Variants in IDE observed in about 807,000 individuals in gnomAD.
IDE encodes the protein insulin degrading enzyme.
Under a neutral mutation model 133.2 loss-of-function variants are expected in IDE, and 58 were observed. The ratio of observed to expected loss-of-function variants is 0.44; its 90% CI spans 0.35 to 0.54. The LOEUF (loss-of-function observed/expected upper bound fraction) is 0.54, where lower values mean the gene tolerates loss of function less well. IDE is among the 20% of genes least tolerant of loss of function. The probability of loss-of-function intolerance (pLI) is 0.00; values close to 1 mark genes in which losing one functional copy is unlikely to be tolerated. For synonymous variants in IDE, 396 were observed against 421.3 expected (o/e 0.94, Z 0.73); for missense variants, 981 against 1,234.0 (o/e 0.79, Z 3.07).
At chr10:92,495,145 C>T (rs1847607412) in intron 11 of IDE, among the ~76,000 whole-genome samples, 1 of 150,562 alleles carries the variant, frequency 6.6e-6, no homozygotes, top group South Asian at 2.1e-4. Context: ...CTCCCTGGAA[C>T]CTCCACCTCC....
chr10:92,509,978 G>T, intron 6 of IDE, 72 bp downstream of exon 6: 2 of 644,328 alleles, frequency 3.1e-6, no homozygotes, highest in Non-Finnish European at 5.3e-6. Flanking sequence ...ATTTTCACCT[G>T]TTCTATGGTA....
At chr10:92,549,823 A>G (rs1164785665) in intron 1 of IDE, among the ~76,000 whole-genome samples, 2 of 152,154 alleles carry the variant, frequency 1.3e-5, no homozygotes, top group Non-Finnish European at 2.9e-5. Flanking sequence ...TTGGAACCAC[A>G]TAGGTATAAA....
At chr10:92,494,925 G>A (rs1312375441) in intron 11 of IDE, among the ~76,000 whole-genome samples, 3 of 152,202 alleles carry the variant, frequency 2.0e-5, no homozygotes. Context: ...TTAGTGGAAA[G>A]GGCACAGACC....
At chr10:92,530,465 C>T (rs1369895204) in intron 4 of IDE, among the ~76,000 whole-genome samples, 1 of 151,370 alleles carries the variant, frequency 6.6e-6, no homozygotes, top group Non-Finnish European at 1.5e-5. Flanking sequence ...ATTTTATTTT[C>T]TTGTAAAGAT....
At chr10:92,489,913 A>G (rs984269257) in intron 12 of IDE, among the ~76,000 whole-genome samples, 37 of 152,378 alleles carry the variant, frequency 2.4e-4, no homozygotes, top group African/African-American at 7.9e-4. Context: ...AATGAGAACC[A>G]AAAGAGAAAG....
chr10:92,511,984 A>G (rs1341117670), intron 5 of IDE, among the ~76,000 whole-genome samples: 1 of 152,164 alleles, frequency 6.6e-6, no homozygotes, highest in African/African-American at 2.4e-5. Context: ...TCACAGTGTC[A>G]CTTTTTAAAG....
chr10:92,522,839 A>C (rs1444199095), intron 4 of IDE, among the ~76,000 whole-genome samples: 1 of 152,150 alleles, frequency 6.6e-6, no homozygotes, highest in Admixed American at 6.6e-5. Context: ...AATCCACGTA[A>C]AGTGCTTAGC....
chr10:92,541,107 G>C (rs1418961694), intron 1 of IDE, among the ~76,000 whole-genome samples: 1 of 152,080 alleles, frequency 6.6e-6, no homozygotes, highest in Non-Finnish European at 1.5e-5. Context: ...AAAGGATCAA[G>C]AAAAGCTAAA....
chr10:92,468,246 G>A (rs1057416703), intron 19 of IDE, among the ~76,000 whole-genome samples: 6 of 152,054 alleles, frequency 3.9e-5, no homozygotes, highest in African/African-American at 1.4e-4. Flanking sequence ...TCATGCATAG[G>A]GAACAACCAA....
intron 9 of IDE, 35 bp from the exon 10 acceptor site, chr10:92,506,557 A>G: frequency 1.0e-6 from 1 of 975,764 alleles, no homozygotes; most frequent in Non-Finnish European, 1.5e-6. Context: ...AGATACGGCC[A>G]CCCTTATTTA....
At chr10:92,516,450 T>A (rs932943122) in intron 4 of IDE, among the ~76,000 whole-genome samples, 2 of 152,148 alleles carry the variant, frequency 1.3e-5, no homozygotes, top group South Asian at 2.1e-4. Context: ...GCCAAGATTG[T>A]ACCACTGCAC....
intron 1 of IDE, among the ~76,000 whole-genome samples, chr10:92,539,045 T>G (rs1842163564): frequency 6.6e-6 from 1 of 151,146 alleles, no homozygotes; most frequent in Admixed American, 6.5e-5. Context: ...CTCTAGAGAT[T>G]GAGAGAGGAA....
At chr10:92,524,737 A>G (rs752958288) in intron 4 of IDE, among the ~76,000 whole-genome samples, 7 of 145,066 alleles carry the variant, frequency 4.8e-5, no homozygotes, top group Non-Finnish European at 1.0e-4. Context: ...AGCCTGGCCA[A>G]TATAGCAAAA....
chr10:92,490,322 G>A (rs1847268947), intron 12 of IDE, among the ~76,000 whole-genome samples, 171 bp downstream of exon 12: 1 of 152,230 alleles, frequency 6.6e-6, no homozygotes. Flanking sequence ...ATGTCTTCAT[G>A]AAAAGGCTAA....
intron 4 of IDE, among the ~76,000 whole-genome samples, chr10:92,518,244 A>G (rs1849035101): frequency 6.6e-6 from 1 of 152,124 alleles, no homozygotes; most frequent in Non-Finnish European, 1.5e-5. Context: ...GGCTCACTGC[A>G]ACCTCCACCT....
At position 92,494,015 on chromosome 10, in the gene IDE, T is replaced by G. The variant is rs114693374; in HGVS notation, c.1431-3420A>C. Among the ~76,000 whole-genome samples, 1,366 of 152,210 alleles carry G rather than the reference T, an allele frequency of 9.0e-3. 28 individuals carry two copies. Among genetic ancestry groups the G allele is most frequent in the African/African-American group, 0.031 (1,277 of 41,528 alleles). ...TATAGTATACACAACCGCAGACAGT[T>G]GAGAAAAACTAGTACAAATATTGTA... On this transcript the variant is annotated intron_variant, in intron 11 of 24. Coordinates refer to ENST00000265986, the MANE Select transcript of IDE (RefSeq NM_004969.4).
At chr10:92,462,620 A>G (rs183869395) in intron 21 of IDE, among the ~76,000 whole-genome samples, 3 of 152,236 alleles carry the variant, frequency 2.0e-5, no homozygotes, top group Admixed American at 1.3e-4. Context: ...AAAAAAAATA[A>G]TAAGTGGATG....
At chr10:92,465,982 T>C (rs1165454099) in intron 19 of IDE, 139 bp from the exon 20 acceptor site, 1 of 704,126 alleles carries the variant, frequency 1.4e-6, no homozygotes, top group Non-Finnish European at 2.4e-6. Context: ...TGGAGTTGTA[T>C]TTCATTGATT....
intron 22 of IDE, among the ~76,000 whole-genome samples, chr10:92,458,049 C>T (rs1277858745): frequency 1.3e-5 from 2 of 152,172 alleles, no homozygotes; most frequent in Non-Finnish European, 2.9e-5. Context: ...CCCTTGTCTA[C>T]CCACATCAGC....
Sources: gnomAD v4.1 joint callset for allele counts (sites outside exome capture counted in the v4.1 genomes callset) on GRCh38, gnomAD v4.1.1 for gene constraint, MANE v1.5 for transcripts, NCBI Gene and HGNC (gene_info 2026-07-23, HGNC 2026-07-21) for gene names.